LGR4: variants seen among roughly 807,000 people sequenced by gnomAD.
LGR4 encodes the protein leucine-rich repeat-containing G protein-coupled receptor 4.
A neutral mutation model predicts 84.8 loss-of-function variants in LGR4; 44 were observed. That is an observed-to-expected ratio of 0.52 (90% confidence interval 0.41 to 0.67). LGR4 has a LOEUF of 0.67. LGR4 is among the 30% of genes least tolerant of loss of function. LGR4 has a pLI of 0.00. For missense variants in LGR4, 1,032 were observed against 1,131.4 expected (o/e 0.91, Z 1.26); for synonymous variants, 429 against 434.3 (o/e 0.99, Z 0.15).
rs1164372130 is a variant in LGR4 at position 27,439,901 on chromosome 11, CT to C, written c.186-27042del. ...TGGTTTTCCTTGAGGTAGGATTTCT[CT>C]TTTTTTTTTTTTTTTTTTTTTGAGA... On this transcript the variant is annotated intron_variant, in intron 1 of 17. Transcript: ENST00000379214. Among the ~76,000 whole-genome samples the C allele has an allele frequency of 9.4e-3, 944 of 100,728 alleles. 3 individuals are homozygous for C. Among genetic ancestry groups the C allele is most frequent in the African/African-American group, 0.019 (552 of 29,534 alleles). 66.1% of individuals were successfully genotyped at this position (100,728 alleles called of 152,430 possible).
chr11:27,387,536 G>A (rs534934967), intron 4 of LGR4, among the ~76,000 whole-genome samples: 6 of 152,226 alleles, frequency 3.9e-5, no homozygotes, highest in Admixed American at 3.3e-4. Context: ...AAAGAGCCAC[G>A]TCAGAGACCC....
At chr11:27,414,153 A>G (rs910302436) in intron 1 of LGR4, among the ~76,000 whole-genome samples, 1 of 152,120 alleles carries the variant, frequency 6.6e-6, no homozygotes, top group Non-Finnish European at 1.5e-5. Context: ...AAGCTTCCCC[A>G]AGACCATTCA....
rs1055979615 is a variant in LGR4, at chr11:27,366,092, A to G, written c.*1775T>C. 3.9e-5 allele frequency: 6 copies of G among 152,556 alleles called. No homozygotes were observed. The highest frequency in any genetic ancestry group is 1.4e-4 in the African/African-American group (6 of 41,470). 9.5% of individuals were successfully genotyped at this position (152,556 alleles called of 1,614,324 possible). A position where few individuals can be genotyped will look rare whatever the true frequency, so the allele number is the denominator to read the frequency against. ...AAATGAATAAAATGAAAAGTTTTCAATAACCTGAATTTTGGAAAAAACCTT... is the reference window on the plus strand; with the variant it reads ...AAATGAATAAAATGAAAAGTTTTCAGTAACCTGAATTTTGGAAAAAACCTT... On this transcript the variant is annotated 3_prime_UTR_variant, in exon 18 of 18. Transcript: ENST00000379214.
intron 1 of LGR4, among the ~76,000 whole-genome samples, chr11:27,443,309 G>T (rs545290843): frequency 6.6e-6 from 1 of 152,146 alleles, no homozygotes; most frequent in Non-Finnish European, 1.5e-5. Context: ...ACCACTGCAC[G>T]ATGGGAAATT....
intron 1 of LGR4, among the ~76,000 whole-genome samples, chr11:27,422,623 T>C (rs555179514): frequency 2.0e-5 from 3 of 152,218 alleles, no homozygotes; most frequent in Non-Finnish European, 4.4e-5. Context: ...ATATTGTCCA[T>C]GAAACAGACT....
At chr11:27,404,350 G>A (rs117951133) in intron 2 of LGR4, among the ~76,000 whole-genome samples, 89 of 152,104 alleles carry the variant, frequency 5.9e-4, no homozygotes, top group Non-Finnish European at 7.2e-4. Flanking sequence ...CTTCGTTCCT[G>A]GGCTGCTAAG....
chr11:27,380,165 G>A (rs551502448), intron 10 of LGR4, 106 bp downstream of exon 10: 5 of 645,740 alleles, frequency 7.7e-6, no homozygotes, highest in Non-Finnish European at 1.1e-5. Context: ...AGGGAAACCG[G>A]AGGAATCAAC....
intron 1 of LGR4, among the ~76,000 whole-genome samples, chr11:27,455,047 C>G (rs1393495775): frequency 6.6e-6 from 1 of 152,158 alleles, no homozygotes; most frequent in African/African-American, 2.4e-5. Context: ...GTCTGTCTTT[C>G]TTTCTTTTTT....
At chr11:27,380,183 C>A in intron 10 of LGR4, 88 bp downstream of exon 10, 2 of 752,718 alleles carry the variant, frequency 2.7e-6, no homozygotes, top group African/African-American at 1.8e-5. Context: ...AACATAAACC[C>A]ATCATTGTCA....
At chr11:27,397,214 C>T (rs547259045) in intron 2 of LGR4, among the ~76,000 whole-genome samples, 1 of 152,320 alleles carries the variant, frequency 6.6e-6, no homozygotes, top group South Asian at 2.1e-4. Flanking sequence ...ACTCTGCCCT[C>T]TACAAACTGA....
intron 1 of LGR4, among the ~76,000 whole-genome samples, chr11:27,434,520 T>G (rs1374625397): frequency 6.6e-6 from 1 of 152,186 alleles, no homozygotes; most frequent in African/African-American, 2.4e-5. Context: ...TACACTGAAC[T>G]GGGAAGCTAA....
chr11:27,466,240 AT>A (rs1267248790), intron 1 of LGR4, among the ~76,000 whole-genome samples: 2 of 152,206 alleles, frequency 1.3e-5, no homozygotes, highest in Non-Finnish European at 2.9e-5. Context: ...TTTTATAGAT[AT>A]TTATCTTTTT....
intron 11 of LGR4, among the ~76,000 whole-genome samples, chr11:27,378,210 C>G (rs962567784): frequency 1.4e-4 from 21 of 152,308 alleles, no homozygotes; most frequent in Non-Finnish European, 2.9e-4. Flanking sequence ...CCACTGAGTA[C>G]TTATTAACAA....
rs151211339 is a variant in LGR4, at chr11:27,376,334, T to C, written c.1146A>G (p.Glu382=). ...LQRNQIYQIK[E]GTFQGLISLR... Reference sequence around the variant, plus strand: ...GAGATATCAGGCCTTGAAAGGTGCCTTCCTTTATTTGGTAGATTTGATTAC... The same window carrying C: ...GAGATATCAGGCCTTGAAAGGTGCCCTCCTTTATTTGGTAGATTTGATTAC... Residue 382 remains glutamate (E), a synonymous_variant, in exon 13 of 18, where the codon GAA becomes GAG. Transcript: ENST00000379214. 12 of 1,581,268 alleles carry C rather than the reference T, an allele frequency of 7.6e-6. No homozygotes were observed. The highest frequency in any genetic ancestry group is 1.7e-5 in the Admixed American group (1 of 57,764).
Position 27,374,455 on chromosome 11 carries a change from C to T in LGR4, c.1182-409G>A, listed in dbSNP as rs188862408. Among the ~76,000 whole-genome samples, 151 of 152,092 alleles carry T rather than the reference C, an allele frequency of 9.9e-4. 2 individuals are homozygous for T. Among genetic ancestry groups the T allele is most frequent in the South Asian group, 3.3e-3 (16 of 4,804 alleles). On this transcript the variant is annotated intron_variant, in intron 13 of 17. Coordinates refer to ENST00000379214, the MANE Select transcript of LGR4 (RefSeq NM_018490.5). ...TTCTCAAAGGTTAGTGATAAGGCCC[C>T]GAGAGAAGACAAACAATCAATATGC... is the stretch of plus-strand genomic sequence containing the variant.
At chr11:27,423,515 T>C (rs1269480294) in intron 1 of LGR4, among the ~76,000 whole-genome samples, 1 of 152,268 alleles carries the variant, frequency 6.6e-6, no homozygotes, top group Non-Finnish European at 1.5e-5. Context: ...AAATGTATTC[T>C]ATCCTTAAAG....
At chr11:27,467,857 G>GT (rs1195003142) in intron 1 of LGR4, among the ~76,000 whole-genome samples, 3 of 152,266 alleles carry the variant, frequency 2.0e-5, no homozygotes, top group African/African-American at 7.2e-5. Flanking sequence ...CATCGTTCTT[G>GT]TTTTGAACAA....
In LGR4 at chr11:27,472,311, C is replaced by T; in HGVS notation, c.-9G>A. ...CCTAGCGGGCCCGGCATTGCTGCGG[C>T]CGCCTCCCGCGCCGGCCTCTCCCGC... On this transcript the variant is annotated 5_prime_UTR_variant, in exon 1 of 18. Transcript: ENST00000379214. 8.3e-7 allele frequency: 1 copy of T among 1,199,104 alleles called. No individual in the cohort carries two copies. 74.3% of individuals were successfully genotyped at this position (1,199,104 alleles called of 1,614,324 possible). A position where few individuals can be genotyped will look rare whatever the true frequency, so the allele number is the denominator to read the frequency against.
In LGR4 at chr11:27,450,843, T is replaced by G. The variant is rs778206312; in HGVS notation, c.185+21275A>C. Reference sequence around the variant, plus strand: ...ACATCCATTCCTTGCTTTGGGATGCTAGATGCAATGCACCTATATTTAGAA... The same window carrying G: ...ACATCCATTCCTTGCTTTGGGATGCGAGATGCAATGCACCTATATTTAGAA... On this transcript the variant is annotated intron_variant, in intron 1 of 17. Transcript: ENST00000379214. 3.9e-4 allele frequency among the ~76,000 whole-genome samples: 59 copies of G among 152,200 alleles called. 1 individual carries two copies. The highest frequency in any genetic ancestry group is 1.6e-4 in the Non-Finnish European group (11 of 68,038).
Sources: allele counts gnomAD v4.1 joint callset (sites outside exome capture counted in the v4.1 genomes callset), GRCh38; gene constraint gnomAD v4.1.1; transcripts MANE v1.5; gene names NCBI Gene and HGNC (gene_info 2026-07-23, HGNC 2026-07-21).